The following SNAP47 variants were observed in gnomAD, a reference collection of about 807,000 sequenced individuals.
SNAP47 encodes synaptosomal-associated protein 47.
A neutral mutation model predicts 31.4 loss-of-function variants in SNAP47; 20 were observed. The ratio of observed to expected loss-of-function variants is 0.64; its 90% CI spans 0.45 to 0.93. SNAP47 has a LOEUF of 0.93. SNAP47 is among the 40% of genes least tolerant of loss of function. The probability of loss-of-function intolerance (pLI) is 0.00; values close to 1 mark genes in which losing one functional copy is unlikely to be tolerated. For missense variants in SNAP47, 492 were observed against 528.5 expected (o/e 0.93, Z 0.68); for synonymous variants, 194 against 213.4 (o/e 0.91, Z 0.79).
upstream of SNAP47, chr1:227,731,800 G>A (rs755490821): frequency 6.3e-6 from 1 of 158,818 alleles, no homozygotes; most frequent in Non-Finnish European, 1.4e-5. Flanking sequence ...CTCTCCAGCT[G>A]TCCACAGGCC....
At chr1:227,756,899 G>T (rs1662733455) in intron 2 of SNAP47, among the ~76,000 whole-genome samples, 1 of 152,246 alleles carries the variant, frequency 6.6e-6, no homozygotes, top group Admixed American at 6.5e-5. Flanking sequence ...CTTCCCATGG[G>T]TTGAGGTGGG....
chr1:227,769,572 T>C (rs1041226794), intron 4 of SNAP47, among the ~76,000 whole-genome samples: 8 of 152,144 alleles, frequency 5.3e-5, no homozygotes, highest in African/African-American at 1.9e-4. Flanking sequence ...GCCATCATGC[T>C]GAAACGTGTC....
At position 227,762,988 on chromosome 1, in the gene SNAP47, G is replaced by A. The variant is rs1663160726; in HGVS notation, c.988+3503G>A. Among the ~76,000 whole-genome samples, 1 of 152,074 alleles carries A rather than the reference G, an allele frequency of 6.6e-6. No homozygotes were observed. The highest frequency in any genetic ancestry group is 1.5e-5 in the Non-Finnish European group (1 of 68,014). The stretch of plus-strand genomic sequence containing the variant: ...TTTTTTCTTTTAGAGACAGGGCCTT[G>A]CCCTGTCATCCAGGCTGGAGTGCAG... On this transcript the variant is annotated intron_variant, in intron 3 of 4. Coordinates refer to ENST00000617596, the MANE Select transcript of SNAP47 (RefSeq NM_053052.4). The surrounding 1 kb of genome is among the most constrained non-coding windows in gnomAD (Gnocchi z 4.2).
At chr1:227,749,369 CAT>C (rs1662193703) in intron 2 of SNAP47, among the ~76,000 whole-genome samples, 1 of 152,152 alleles carries the variant, frequency 6.6e-6, no homozygotes, top group Non-Finnish European at 1.5e-5. Context: ...CCTCAGGTTC[CAT>C]CCAGTCCCTC....
intron 1 of SNAP47, among the ~76,000 whole-genome samples, chr1:227,729,006 G>C (rs753787658): frequency 6.6e-6 from 1 of 152,244 alleles, no homozygotes; most frequent in Non-Finnish European, 1.5e-5. Context: ...TAGGTGGGGC[G>C]AGGGGTCCAG....
upstream of SNAP47, chr1:227,732,504 G>C (rs1331492611): frequency 2.5e-6 from 4 of 1,613,278 alleles, no homozygotes; most frequent in African/African-American, 5.3e-5. Context: ...CGCAACCAAG[G>C]AGGCCAGCAC....
chr1:227,732,129 C>G, upstream of SNAP47: 1 of 563,574 alleles, frequency 1.8e-6, no homozygotes, highest in East Asian at 3.0e-5. Context: ...GGCAGGGCCC[C>G]CAAAAGAGCC....
At chr1:227,766,452 G>A (rs967697901) in intron 3 of SNAP47, among the ~76,000 whole-genome samples, 3 of 152,192 alleles carry the variant, frequency 2.0e-5, no homozygotes, top group African/African-American at 7.2e-5. Flanking sequence ...CCACAGGGTG[G>A]AAACACCCAG....
intron 1 of SNAP47, chr1:227,745,845 C>G (rs1281503725): frequency 6.6e-6 from 1 of 152,298 alleles, no homozygotes; most frequent in Non-Finnish European, 1.5e-5. Context: ...AGGGAGAAAC[C>G]AGTCGCAGCC....
upstream of SNAP47, chr1:227,734,431 A>C (rs1660919078): frequency 6.9e-6 from 3 of 436,452 alleles, no homozygotes; most frequent in South Asian, 9.2e-5. Context: ...GGCTGAGGAG[A>C]TCTCTCTCAA....
chr1:227,741,144 C>T lies in SNAP47; in HGVS notation c.-46+5645C>T, dbSNP rs1157576494. ...CCTGTTAGGGGTGGGGGCAGATCAG[C>T]GAGTGATCAGATGTCCAAGTTTGAA... On this transcript the variant is annotated intron_variant, in intron 1 of 4. Transcript: ENST00000617596. This position sits in a 1 kb window ranked among gnomAD's most constrained non-coding sequence, Gnocchi z 4.2. Among the ~76,000 whole-genome samples, 4 of 152,196 alleles carry T rather than the reference C, an allele frequency of 2.6e-5. No individual in the cohort carries two copies. Among genetic ancestry groups the T allele is most frequent in the South Asian group, 4.1e-4 (2 of 4,820 alleles).
intron 3 of SNAP47, chr1:227,759,706 A>G: frequency 3.3e-6 from 2 of 605,164 alleles, no homozygotes; most frequent in South Asian, 2.0e-5. Context: ...TTAACTGTAC[A>G]CTTGATAGGT....
At chr1:227,735,344 G>T (rs747071554), upstream of SNAP47, 1 of 1,596,920 alleles carries the variant, frequency 6.3e-7, no homozygotes, top group Non-Finnish European at 8.5e-7. Flanking sequence ...GACCAGCCTC[G>T]GAACCAGAAG....
At chr1:227,735,695 G>C in intron 1 of SNAP47, 196 bp downstream of exon 1, 2 of 984,532 alleles carry the variant, frequency 2.0e-6, no homozygotes, top group Middle Eastern at 5.2e-4. Flanking sequence ...GCGGCGGTGC[G>C]GGGGCGCCCA....
intron 4 of SNAP47, among the ~76,000 whole-genome samples, chr1:227,771,075 G>A (rs1417158046): frequency 6.6e-6 from 1 of 152,212 alleles, no homozygotes; most frequent in Non-Finnish European, 1.5e-5. Context: ...TCCGAGGCTA[G>A]CCAGGCAGGA....
At chr1:227,756,915 G>T (rs1487745437) in intron 2 of SNAP47, among the ~76,000 whole-genome samples, 1 of 152,234 alleles carries the variant, frequency 6.6e-6, no homozygotes, top group Admixed American at 6.5e-5. Flanking sequence ...GTGGGAGCAG[G>T]CCTCCTGCCA....
At chr1:227,767,674 G>A (rs1663522385) in intron 4 of SNAP47, among the ~76,000 whole-genome samples, 1 of 137,612 alleles carries the variant, frequency 7.3e-6, no homozygotes, top group African/African-American at 2.7e-5. Flanking sequence ...ATGGGCATGT[G>A]TATATGTGCA....
rs763441278 is a variant in SNAP47 at position 227,759,035 on chromosome 1, A to G, written c.538A>G (p.Ser180Gly). ...GGAATCTCCTGCTTGGTGGCCCTTT[A>G]GCTCCAAGCTTTGGAAGACACCACC... Reference protein sequence around the residue: ...ELESPAWWPFSSKLWKTPPET... With the variant: ...ELESPAWWPFGSKLWKTPPET... The change falls in exon 3 of 5, where the codon AGC (serine) becomes GGC (glycine). Residue 180 changes from serine to glycine, a missense_variant. Physicochemically the swap from Ser to Gly is moderately conservative, Grantham distance 56 (BLOSUM62 0). Transcript: ENST00000617596. 6.2e-7 allele frequency: 1 copy of G among 1,611,256 alleles called. No individual in the cohort carries two copies. The highest frequency in any genetic ancestry group is 1.1e-5 in the South Asian group (1 of 90,146).
At chr1:227,748,277 A>G in intron 2 of SNAP47, 44 bp downstream of exon 2, 15 of 1,492,064 alleles carry the variant, frequency 1.0e-5, no homozygotes, top group Non-Finnish European at 1.3e-5. Flanking sequence ...ACAGAGTAAG[A>G]TGCACATGTG....
Sources: allele counts gnomAD v4.1 joint callset (sites outside exome capture counted in the v4.1 genomes callset), GRCh38; gene constraint gnomAD v4.1.1; non-coding constraint Gnocchi (gnomAD v3.1); transcripts MANE v1.5; gene names NCBI Gene and HGNC (gene_info 2026-07-23, HGNC 2026-07-21).